Variants in NTM observed in about 807,000 individuals in gnomAD.
NTM encodes neurotrimin.
NTM carries 13 observed loss-of-function variants against 42.1 expected under a neutral mutation model. That is an observed-to-expected ratio of 0.31 (90% confidence interval 0.20 to 0.49). The LOEUF is 0.49. Among genes scored for constraint, NTM ranks in the 20% least tolerant of loss-of-function variants. NTM has a pLI of 0.99. For synonymous variants in NTM, 187 were observed against 179.2 expected (o/e 1.04, Z -0.35); for missense variants, 373 against 452.8 (o/e 0.82, Z 1.60).
chr11:132,088,781 G>C (rs1222468114), intron 2 of NTM, among the ~76,000 whole-genome samples: 1 of 152,212 alleles, frequency 6.6e-6, no homozygotes, highest in Non-Finnish European at 1.5e-5. Flanking sequence ...GTGTGGGTCA[G>C]AGGTTCTCTG....
chr11:131,652,262 T>C (rs934869376), intron 1 of NTM, among the ~76,000 whole-genome samples: 1 of 152,096 alleles, frequency 6.6e-6, no homozygotes, highest in Non-Finnish European at 1.5e-5. Context: ...AATAGAGACA[T>C]GATCATTGTG....
intron 1 of NTM, among the ~76,000 whole-genome samples, chr11:131,391,726 C>T (rs1359519922): frequency 6.6e-6 from 1 of 150,494 alleles, no homozygotes; most frequent in East Asian, 2.0e-4. Context: ...CAGAAACAGG[C>T]TCCCAGCACC....
chr11:132,179,047 C>T (rs2077187659), intron 3 of NTM, among the ~76,000 whole-genome samples: 1 of 152,094 alleles, frequency 6.6e-6, no homozygotes. Flanking sequence ...GCTATGGTTT[C>T]AGGCACTCTA....
intron 1 of NTM, among the ~76,000 whole-genome samples, chr11:131,578,063 C>T (rs1452926080): frequency 6.6e-6 from 1 of 152,190 alleles, no homozygotes; most frequent in Non-Finnish European, 1.5e-5. Flanking sequence ...ACCTAGGACA[C>T]TGGCTGTGTC....
chr11:132,277,130 G>T (rs1456385855), intron 4 of NTM, among the ~76,000 whole-genome samples: 2 of 152,134 alleles, frequency 1.3e-5, no homozygotes, highest in Non-Finnish European at 2.9e-5. Context: ...TTTCTAATCT[G>T]TAATCCCTTT....
At chr11:131,438,351 T>C (rs1470006011) in intron 1 of NTM, among the ~76,000 whole-genome samples, 1 of 151,520 alleles carries the variant, frequency 6.6e-6, no homozygotes, top group Non-Finnish European at 1.5e-5. Context: ...GGGGAAGTTC[T>C]CCTGGATAAT....
At position 131,439,511 on chromosome 11, in the gene NTM, A is replaced by T. The variant is rs141401305; in HGVS notation, c.82+68623A>T. Among the ~76,000 whole-genome samples the T allele has an allele frequency of 3.7e-3, 561 of 152,282 alleles. 3 individuals are homozygous for T. Among genetic ancestry groups the T allele is most frequent in the African/African-American group, 0.013 (534 of 41,550 alleles). On this transcript the variant is annotated intron_variant, in intron 1 of 8. Coordinates refer to ENST00000683400, the MANE Select transcript of NTM (RefSeq NM_001352005.2). ...TTTGTTTACCTACTCAAGTCTCAGC[A>T]ATGGTGGATGCCCCTCCCCCTGCCA...
chr11:132,248,156 C>T (rs1428065037), intron 4 of NTM, among the ~76,000 whole-genome samples: 1 of 152,186 alleles, frequency 6.6e-6, no homozygotes, highest in Non-Finnish European at 1.5e-5. Flanking sequence ...ATTCAGAATG[C>T]ATTTCGCCAG....
At chr11:131,403,106 G>T (rs1193602392) in intron 1 of NTM, among the ~76,000 whole-genome samples, 1 of 152,080 alleles carries the variant, frequency 6.6e-6, no homozygotes, top group Non-Finnish European at 1.5e-5. Context: ...AGATTTTTAG[G>T]CCTCCTGAAT....
intron 1 of NTM, among the ~76,000 whole-genome samples, chr11:131,589,148 C>T (rs977840630): frequency 4.9e-5 from 7 of 143,522 alleles, no homozygotes; most frequent in African/African-American, 1.2e-4. Flanking sequence ...GGAAACCATG[C>T]CACTCTTAAC....
chr11:131,681,277 C>T (rs1592522399), intron 1 of NTM, among the ~76,000 whole-genome samples: 3 of 27,932 alleles, frequency 1.1e-4, no homozygotes, highest in Non-Finnish European at 9.1e-5. Flanking sequence ...GTATGTCTCC[C>T]TGTGTGTGTG....
At position 131,660,713 on chromosome 11, in the gene NTM, C is replaced by T. The variant is rs75935843; in HGVS notation, c.83-250851C>T. Reference sequence around the variant, plus strand: ...GTGGGGCTAGGGTGGTGAAGAGGGACGGAGGAGGCAAAGAAACAAAAGGAA... The same window carrying T: ...GTGGGGCTAGGGTGGTGAAGAGGGATGGAGGAGGCAAAGAAACAAAAGGAA... On this transcript the variant is annotated intron_variant, in intron 1 of 8. Transcript: ENST00000683400. 1.1e-3 allele frequency: 484 copies of T among 433,102 alleles called. 2 individuals carry two copies. Among genetic ancestry groups the T allele is most frequent in the African/African-American group, 9.0e-3 (431 of 48,122 alleles). The allele number at this position is 433,102 out of a possible 1,614,324, so 26.8% of individuals were successfully genotyped here.
At chr11:132,157,529 C>T (rs978915398) in intron 3 of NTM, among the ~76,000 whole-genome samples, 1 of 152,120 alleles carries the variant, frequency 6.6e-6, no homozygotes, top group African/African-American at 2.4e-5. Flanking sequence ...ACACCTCTGC[C>T]AAATATGGTT....
intron 2 of NTM, among the ~76,000 whole-genome samples, chr11:131,962,373 C>G (rs1050748163): frequency 1.3e-5 from 2 of 152,180 alleles, no homozygotes; most frequent in Admixed American, 1.3e-4. Context: ...AACCCTAACC[C>G]TCAATGGGAT....
chr11:131,598,337 C>CCCAAGTTCCCTT (rs1166538200), intron 1 of NTM, among the ~76,000 whole-genome samples: 2 of 152,188 alleles, frequency 1.3e-5, no homozygotes, highest in African/African-American at 4.8e-5. Context: ...TTTCCGTGTT[C>CCCAAGTTCCCTT]CCAAGTGGAA....
chr11:132,335,199 CACAACAGCAAT>C lies in NTM; in HGVS notation c.*54_*64del. The stretch of plus-strand genomic sequence containing the variant: ...AGGCTGCCGCCACCACCACCACCAA[CACAACAGCAAT>C]GGCAACACCGACAGCAACCAATCAG... On this transcript the variant is annotated 3_prime_UTR_variant, in exon 9 of 9. Transcript: ENST00000683400. 6.3e-7 allele frequency: 1 copy of C among 1,597,382 alleles called. No homozygotes were observed. The highest frequency in any genetic ancestry group is 8.5e-7 in the Non-Finnish European group (1 of 1,170,806).
chr11:131,561,596 C>T (rs1410472028), intron 1 of NTM, among the ~76,000 whole-genome samples: 1 of 152,170 alleles, frequency 6.6e-6, no homozygotes, highest in East Asian at 1.9e-4. Flanking sequence ...CCCCTACAAC[C>T]CAGCCCTTTA....
intron 3 of NTM, among the ~76,000 whole-genome samples, chr11:132,154,704 G>T (rs571879489): frequency 6.6e-6 from 1 of 152,310 alleles, no homozygotes; most frequent in African/African-American, 2.4e-5. Context: ...CAAATGAGAA[G>T]ACTTCCTGTT....
At chr11:131,931,959 G>A (rs1235259179) in intron 2 of NTM, among the ~76,000 whole-genome samples, 1 of 152,212 alleles carries the variant, frequency 6.6e-6, no homozygotes, top group Non-Finnish European at 1.5e-5. Context: ...TGGCCTTCAC[G>A]AGTCTTTCCC....
Sources: allele counts gnomAD v4.1 joint callset (sites outside exome capture counted in the v4.1 genomes callset), GRCh38; gene constraint gnomAD v4.1.1; transcripts MANE v1.5; gene names NCBI Gene and HGNC (gene_info 2026-07-23, HGNC 2026-07-21).